Variants in CACNA1C observed in about 807,000 individuals in gnomAD.
The protein encoded by CACNA1C is voltage-dependent L-type calcium channel subunit alpha-1C.
A neutral mutation model predicts 229.0 loss-of-function variants in CACNA1C; 30 were observed. The observed-to-expected ratio is 0.13, with a 90% CI of 0.10 to 0.18. The LOEUF is 0.18. Among genes scored for constraint, CACNA1C ranks in the 10% least tolerant of loss-of-function variants. CACNA1C has a pLI of 1.00. For missense variants in CACNA1C, 1,658 were observed against 2,845.0 expected (o/e 0.58, Z 9.49); for synonymous variants, 1,114 against 1,132.5 (o/e 0.98, Z 0.33).
chr12:2,600,223 G>A (rs1030013265), intron 21 of CACNA1C, among the ~76,000 whole-genome samples: 7 of 152,190 alleles, frequency 4.6e-5, no homozygotes, highest in African/African-American at 1.7e-4. Flanking sequence ...CCAAGAGGCA[G>A]GGAGGCAAGG....
chr12:2,303,893 G>A (rs2094792605), intron 3 of CACNA1C, among the ~76,000 whole-genome samples: 1 of 152,204 alleles, frequency 6.6e-6, no homozygotes, highest in African/African-American at 2.4e-5. Flanking sequence ...GAGTTGTTCT[G>A]GGGTAGAGAC....
At chr12:2,165,212 A>C (rs561924214) in intron 3 of CACNA1C, among the ~76,000 whole-genome samples, 1 of 152,382 alleles carries the variant, frequency 6.6e-6, no homozygotes, top group East Asian at 1.9e-4. Context: ...CAGTGCAAAT[A>C]AATCAATTGT....
intron 5 of CACNA1C, among the ~76,000 whole-genome samples, chr12:2,480,866 G>A (rs565080663): frequency 4.6e-5 from 7 of 152,304 alleles, no homozygotes; most frequent in Middle Eastern, 6.8e-3. Flanking sequence ...AAAGCAGAGC[G>A]TCAATGTGGA....
Position 2,566,197 on chromosome 12 carries a change from G to A in CACNA1C, c.1509-225G>A, listed in dbSNP as rs183455697. ...ATCCCCACAATAACCCCATGAGGTC[G>A]GCCCTCTTCCCGGGAGAACTGAAGC... is the stretch of plus-strand genomic sequence containing the variant. On this transcript the variant is annotated intron_variant, in intron 11 of 46. Coordinates refer to ENST00000399655, the MANE Select transcript of CACNA1C (RefSeq NM_000719.7). This position sits in a 1 kb window ranked among gnomAD's most constrained non-coding sequence, Gnocchi z 4.0. 3.0e-4 allele frequency among the ~76,000 whole-genome samples: 45 copies of A among 152,284 alleles called. No homozygotes were observed. Among genetic ancestry groups the A allele is most frequent in the Non-Finnish European group, 6.2e-4 (42 of 68,024 alleles).
intron 3 of CACNA1C, among the ~76,000 whole-genome samples, chr12:2,175,305 T>C (rs193100927): frequency 6.2e-4 from 94 of 152,324 alleles, no homozygotes; most frequent in Middle Eastern, 3.4e-3. Context: ...GTAAATCTCT[T>C]TTTATCTATG....
chr12:2,106,734 A>G, intron 1 of CACNA1C, among the ~76,000 whole-genome samples: 1 of 121,516 alleles, frequency 8.2e-6, no homozygotes, highest in Non-Finnish European at 1.7e-5. Context: ...GGGCGTCCTG[A>G]AGCCACTGGG....
At chr12:2,022,177 C>T (rs1024715180) in intron 1 of CACNA1C, among the ~76,000 whole-genome samples, 6 of 152,084 alleles carry the variant, frequency 3.9e-5, no homozygotes, top group Admixed American at 2.0e-4. Context: ...CATGAGTGAG[C>T]GTGGGTGTGT....
At chr12:2,105,413 C>T (rs1465505280) in intron 1 of CACNA1C, among the ~76,000 whole-genome samples, 1 of 152,200 alleles carries the variant, frequency 6.6e-6, no homozygotes, top group Non-Finnish European at 1.5e-5. Flanking sequence ...GGGGCCTGTT[C>T]TGGGCACCCC....
At chr12:2,440,623 G>T (rs915353721) in intron 3 of CACNA1C, among the ~76,000 whole-genome samples, 1 of 152,182 alleles carries the variant, frequency 6.6e-6, no homozygotes, top group South Asian at 2.1e-4. Context: ...TACCTGCCCA[G>T]CAGCTCCTGT....
At chr12:2,260,329 A>C (rs1478932759) in intron 3 of CACNA1C, among the ~76,000 whole-genome samples, 1 of 151,836 alleles carries the variant, frequency 6.6e-6, no homozygotes, top group African/African-American at 2.4e-5. Context: ...AAAAATAATT[A>C]GCTGGCCATA....
At chr12:2,586,327 C>T (rs1405252740) in intron 18 of CACNA1C, among the ~76,000 whole-genome samples, 1 of 152,192 alleles carries the variant, frequency 6.6e-6, no homozygotes, top group African/African-American at 2.4e-5. Context: ...GGGACAGCTG[C>T]CACCACAGAT....
At chr12:2,173,216 A>T (rs978518848) in intron 3 of CACNA1C, among the ~76,000 whole-genome samples, 1 of 152,026 alleles carries the variant, frequency 6.6e-6, no homozygotes, top group Admixed American at 6.6e-5. Context: ...CTGAGGGGAG[A>T]AGTTAGGAAA....
rs864622139 is a variant in CACNA1C at position 2,679,569 on chromosome 12, C to T, written c.5217C>T (p.Asp1739=). Residue 1739 remains aspartate, a synonymous_variant, in exon 42 of 47, where the codon GAC becomes GAT. Transcript: ENST00000399655. This position sits in a 1 kb window ranked among gnomAD's most constrained non-coding sequence, Gnocchi z 5.5. ...HINKAGSSQG[D]TESPSHEKLV... is the part of the protein sequence containing the mutation. ...ACAAGGCGGGCAGCAGCCAGGGCGA[C>T]ACTGAGTCGCCATCCCACGAGAAGC... The T allele has an allele frequency of 9.9e-6, 16 of 1,613,572 alleles. No individual in the cohort carries two copies. The highest frequency in any genetic ancestry group is 1.3e-5 in the African/African-American group (1 of 74,936).
chr12:2,538,454 T>G (rs1242534808), intron 9 of CACNA1C, among the ~76,000 whole-genome samples: 4 of 151,980 alleles, frequency 2.6e-5, no homozygotes, highest in African/African-American at 9.7e-5. Context: ...TTTTCTCTTC[T>G]CTTTTTCTCT....
chr12:2,214,404 G>A (rs1397566022), intron 3 of CACNA1C, among the ~76,000 whole-genome samples: 1 of 152,128 alleles, frequency 6.6e-6, no homozygotes, highest in Admixed American at 6.5e-5. Flanking sequence ...ATACATATGT[G>A]TCCGGGGCTT....
intron 3 of CACNA1C, among the ~76,000 whole-genome samples, chr12:2,435,207 C>T (rs1315666590): frequency 6.6e-6 from 1 of 152,208 alleles, no homozygotes; most frequent in Non-Finnish European, 1.5e-5. Flanking sequence ...GCAGCTCCTC[C>T]CCTGCCACCT....
Position 2,252,794 on chromosome 12 carries a change from T to A in CACNA1C, c.477+132364T>A, listed in dbSNP as rs548352512. ...CTCTTACTCTTCCCCAGTTTTTACTTCCCAAGACTTTCTTGGGTCCTTCCA... is the reference window on the plus strand; with the variant it reads ...CTCTTACTCTTCCCCAGTTTTTACTACCCAAGACTTTCTTGGGTCCTTCCA... On this transcript the variant is annotated intron_variant, in intron 3 of 46. Coordinates refer to ENST00000399655, the MANE Select transcript of CACNA1C (RefSeq NM_000719.7). Among the ~76,000 whole-genome samples, 4 of 152,298 alleles carry A rather than the reference T, an allele frequency of 2.6e-5. No individual in the cohort carries two copies. In the South Asian group the frequency reaches 8.3e-4, roughly 32 times the overall value.
intron 9 of CACNA1C, among the ~76,000 whole-genome samples, chr12:2,544,044 A>G (rs190057041): frequency 1.6e-4 from 25 of 152,052 alleles, no homozygotes; most frequent in African/African-American, 5.8e-4. Context: ...GTCCCATGTT[A>G]GTGACTGTTT....
chr12:2,065,349 G>T (rs915729553), intron 1 of CACNA1C, among the ~76,000 whole-genome samples: 10 of 152,198 alleles, frequency 6.6e-5, no homozygotes, highest in African/African-American at 2.2e-4. Context: ...TAAATTGACT[G>T]TGAAATATCT....
Sources: allele counts gnomAD v4.1 joint callset (sites outside exome capture counted in the v4.1 genomes callset), GRCh38; gene constraint gnomAD v4.1.1; non-coding constraint Gnocchi (gnomAD v3.1); transcripts MANE v1.5; gene names NCBI Gene and HGNC (gene_info 2026-07-23, HGNC 2026-07-21).